The following RXFP2 variants were observed in gnomAD, a reference collection of about 807,000 sequenced individuals.
RXFP2 encodes the protein relaxin receptor 2.
In RXFP2, 68 loss-of-function variants were observed where a neutral mutation model predicts 88.6. That is an observed-to-expected ratio of 0.77 (90% CI 0.63 to 0.94). The LOEUF is 0.94. Ranked by LOEUF, RXFP2 falls within the 40% of genes least tolerant of loss-of-function variation. The pLI is 0.00. For missense variants in RXFP2, 791 were observed against 893.9 expected (o/e 0.88, Z 1.47); for synonymous variants, 329 against 306.8 (o/e 1.07, Z -0.76).
intron 17 of RXFP2, among the ~76,000 whole-genome samples, chr13:31,801,230 G>A (rs187126773): frequency 6.6e-6 from 1 of 152,242 alleles, no homozygotes; most frequent in East Asian, 1.9e-4. Flanking sequence ...CCTGAATGGG[G>A]AGTTCCTTGA....
rs1385781681 is a variant in RXFP2, at chr13:31,761,812, T to C, written c.319+11T>C. 6.3e-7 allele frequency: 1 copy of C among 1,579,678 alleles called. No homozygotes were observed. The highest frequency in any genetic ancestry group is 1.7e-5 in the Admixed American group (1 of 59,954). On this transcript the variant is annotated intron_variant, in intron 3 of 17. Coordinates refer to ENST00000298386, the MANE Select transcript of RXFP2 (RefSeq NM_130806.5). ...TAACACAGGAGTGCTGTAAGTGGTT[T>C]TGATTCAAAGACAGTATCAGCTTTG...
intron 5 of RXFP2, among the ~76,000 whole-genome samples, chr13:31,769,964 G>A (rs1448231811): frequency 6.6e-6 from 1 of 152,162 alleles, no homozygotes; most frequent in Non-Finnish European, 1.5e-5. Context: ...ATATTGAAGA[G>A]AACAGCACTA....
intron 5 of RXFP2, among the ~76,000 whole-genome samples, chr13:31,771,045 C>A (rs1872718660): frequency 6.6e-6 from 1 of 152,126 alleles, no homozygotes; most frequent in Admixed American, 6.6e-5. Flanking sequence ...AAAGGCATCC[C>A]CACAGGAGAT....
In RXFP2 at chr13:31,802,516, A is replaced by G; in HGVS notation, c.*111A>G. 8.0e-6 allele frequency: 9 copies of G among 1,131,604 alleles called. 1 individual carries two copies. The highest frequency in any genetic ancestry group is 7.4e-5 in the South Asian group (6 of 80,610). 70.1% of individuals were successfully genotyped at this position (1,131,604 alleles called of 1,614,324 possible). A position where few individuals can be genotyped will look rare whatever the true frequency, so the allele number is the denominator to read the frequency against. On this transcript the variant is annotated 3_prime_UTR_variant, in exon 18 of 18. Transcript: ENST00000298386. ...CTTTACCAACGGCAAGCCTTTCTGC[A>G]CAGAGAGCACAGCAGAATGGCTCCT...
intron 2 of RXFP2, among the ~76,000 whole-genome samples, 183 bp from the exon 3 acceptor site, chr13:31,761,541 A>G (rs956000792): frequency 2.0e-5 from 3 of 152,220 alleles, no homozygotes; most frequent in Non-Finnish European, 4.4e-5. Context: ...AGTATTTTTC[A>G]TGTAAAAAAG....
chr13:31,746,303 T>C (rs577379135), intron 1 of RXFP2, among the ~76,000 whole-genome samples: 1 of 152,352 alleles, frequency 6.6e-6, no homozygotes, highest in African/African-American at 2.4e-5. Flanking sequence ...ATATTCTTTG[T>C]ATGTATCAGG....
chr13:31,775,447 C>T (rs1872904650), intron 7 of RXFP2, 58 bp downstream of exon 7: 4 of 1,212,256 alleles, frequency 3.3e-6, no homozygotes, highest in Non-Finnish European at 4.9e-6. Flanking sequence ...TGATATATAA[C>T]AGTGCTAATG....
In RXFP2 at chr13:31,792,766, G is replaced by A. The variant is rs887484133; in HGVS notation, c.1464G>A (p.Leu488=). The A allele has an allele frequency of 1.2e-5, 20 of 1,614,034 alleles. No homozygotes were observed. The Admixed American group carries it at 2.8e-4, about 23-fold the overall frequency. The change falls in exon 16 of 18, where the codon CTG becomes CTA. Residue 488 remains leucine (L), a synonymous_variant. Transcript: ENST00000298386. ...GGCAGTATCAGAAGTATGCCTTGCT[G>A]TGGATGGAGAGCGTGCAGTGCCGCC... ...YRGQYQKYAL[L]WMESVQCRLM...
intron 2 of RXFP2, among the ~76,000 whole-genome samples, chr13:31,759,700 A>C (rs1872206306): frequency 6.6e-6 from 1 of 152,160 alleles, no homozygotes; most frequent in Non-Finnish European, 1.5e-5. Context: ...AGAGGCTGAC[A>C]TGTCTAGTTA....
chr13:31,770,460 T>C (rs1872695590), intron 5 of RXFP2, among the ~76,000 whole-genome samples: 1 of 152,200 alleles, frequency 6.6e-6, no homozygotes, highest in Non-Finnish European at 1.5e-5. Flanking sequence ...TAACACCTTC[T>C]ACCATCTTGG....
At chr13:31,790,737 G>A (rs1873752115) in intron 14 of RXFP2, among the ~76,000 whole-genome samples, 1 of 152,228 alleles carries the variant, frequency 6.6e-6, no homozygotes, top group Non-Finnish European at 1.5e-5. Context: ...GAGGATTGAG[G>A]ATTACCACTG....
chr13:31,759,849 G>A lies in RXFP2; in HGVS notation c.241+1445G>A, dbSNP rs1035807470. 2.4e-4 allele frequency among the ~76,000 whole-genome samples: 36 copies of A among 152,024 alleles called. 1 individual carries two copies. The highest frequency in any genetic ancestry group is 1.0e-3 in the South Asian group (5 of 4,804). On this transcript the variant is annotated intron_variant, in intron 2 of 17. Transcript: ENST00000298386. ...CTGTCCTGCCCCTGGGTACTCAGGCGTGCCTCCCTCTGAAGGACATAGCCT... is the reference window on the plus strand; with the variant it reads ...CTGTCCTGCCCCTGGGTACTCAGGCATGCCTCCCTCTGAAGGACATAGCCT...
At chr13:31,774,595 G>T in intron 5 of RXFP2, 25 bp from the exon 6 acceptor site, 1 of 1,202,936 alleles carries the variant, frequency 8.3e-7, no homozygotes, top group South Asian at 1.2e-5. Context: ...ATAATCACCT[G>T]ACTCTCTTAT....
At chr13:31,754,357 C>T (rs1447390385) in intron 1 of RXFP2, among the ~76,000 whole-genome samples, 2 of 152,088 alleles carry the variant, frequency 1.3e-5, no homozygotes, top group African/African-American at 4.8e-5. Flanking sequence ...ATGGTGAAAC[C>T]CCATCTCTAC....
chr13:31,762,228 A>G (rs1280916410), intron 3 of RXFP2, among the ~76,000 whole-genome samples: 1 of 152,226 alleles, frequency 6.6e-6, no homozygotes, highest in Non-Finnish European at 1.5e-5. Flanking sequence ...GGGAGGAATA[A>G]TGTTTGCACC....
At chr13:31,753,220 TAA>T (rs1464618491) in intron 1 of RXFP2, among the ~76,000 whole-genome samples, 1 of 152,180 alleles carries the variant, frequency 6.6e-6, no homozygotes, top group Non-Finnish European at 1.5e-5. Context: ...CATCAATTCT[TAA>T]ACTGAGGACC....
At chr13:31,747,993 A>C (rs1871497757) in intron 1 of RXFP2, among the ~76,000 whole-genome samples, 1 of 152,242 alleles carries the variant, frequency 6.6e-6, no homozygotes, top group Admixed American at 6.5e-5. Context: ...TGAATACAAG[A>C]TAATTGTAAA....
At chr13:31,780,126 C>G (rs940264469) in intron 9 of RXFP2, among the ~76,000 whole-genome samples, 1 of 152,192 alleles carries the variant, frequency 6.6e-6, no homozygotes, top group African/African-American at 2.4e-5. Flanking sequence ...CCTCAGAGCT[C>G]AGGGTTCCGG....
chr13:31,766,020 A>G lies in RXFP2; in HGVS notation c.490A>G (p.Lys164Glu). 2 of 1,515,036 alleles carry G rather than the reference A, an allele frequency of 1.3e-6. No individual in the cohort carries two copies. The highest frequency in any genetic ancestry group is 1.8e-6 in the Non-Finnish European group (2 of 1,092,308). 93.8% of individuals were successfully genotyped at this position (1,515,036 alleles called of 1,614,324 possible). ...AGTTTTCATCAAATACACAAAACTT[A>G]AAAAGATGTAAGTAGCCGTTAATAG... is the stretch of plus-strand genomic sequence containing the variant. ...DKVFIKYTKLKKIFLQHNCIR... is the reference protein window; with the variant it reads ...DKVFIKYTKLEKIFLQHNCIR... The change falls in exon 5 of 18, where the codon AAA becomes GAA. Residue 164 changes from lysine (K) to glutamate (E), a missense_variant. Coordinates refer to ENST00000298386, the MANE Select transcript of RXFP2 (RefSeq NM_130806.5).
Sources: allele counts gnomAD v4.1 joint callset (sites outside exome capture counted in the v4.1 genomes callset), GRCh38; gene constraint gnomAD v4.1.1; transcripts MANE v1.5; gene names NCBI Gene and HGNC (gene_info 2026-07-23, HGNC 2026-07-21).